CLRN1: variants seen among roughly 807,000 people sequenced by gnomAD.
The protein encoded by CLRN1 is clarin 1.
A neutral mutation model predicts 18.7 loss-of-function variants in CLRN1; 15 were observed. That is an observed-to-expected ratio of 0.80 (90% confidence interval 0.54 to 1.23). The LOEUF (loss-of-function observed/expected upper bound fraction) is 1.23, where lower values mean the gene tolerates loss of function less well. Among genes scored for constraint, CLRN1 ranks in the 50% most tolerant of loss-of-function variants. CLRN1 has a pLI of 0.00. For synonymous variants in CLRN1, 104 were observed against 102.9 expected, an observed-to-expected ratio of 1.01 and a Z score of -0.07; for missense variants, 311 against 277.5, an observed-to-expected ratio of 1.12 and a Z score of -0.86.
intron 2 of CLRN1, among the ~76,000 whole-genome samples, chr3:150,930,506 G>T (rs1378175506): frequency 3.3e-5 from 5 of 152,112 alleles, no homozygotes; most frequent in Admixed American, 3.3e-4. Flanking sequence ...CATCCTCAGA[G>T]TGGTAGCTGA....
At chr3:150,964,270 A>G (rs910276048) in intron 1 of CLRN1, among the ~76,000 whole-genome samples, 2 of 152,250 alleles carry the variant, frequency 1.3e-5, no homozygotes, top group East Asian at 1.9e-4. Context: ...ACTTCTCAAA[A>G]GAAGACATTT....
intron 2 of CLRN1, among the ~76,000 whole-genome samples, chr3:150,938,818 G>A (rs1221460367): frequency 1.3e-5 from 2 of 152,174 alleles, no homozygotes; most frequent in Admixed American, 1.3e-4. Context: ...ATAGAATGCA[G>A]GCACAGGTCC....
chr3:150,944,995 A>G (rs1486649946), intron 1 of CLRN1, among the ~76,000 whole-genome samples: 1 of 152,134 alleles, frequency 6.6e-6, no homozygotes, highest in African/African-American at 2.4e-5. Context: ...TGGGGTGTTA[A>G]AGAGGACTGG....
At chr3:150,946,449 G>A (rs1714175034) in intron 1 of CLRN1, among the ~76,000 whole-genome samples, 1 of 151,850 alleles carries the variant, frequency 6.6e-6, no homozygotes, top group Non-Finnish European at 1.5e-5. Flanking sequence ...TGGTAACATT[G>A]CTTCTGGGAA....
intron 1 of CLRN1, among the ~76,000 whole-genome samples, chr3:150,960,129 T>C (rs965021665): frequency 2.6e-5 from 4 of 152,210 alleles, no homozygotes; most frequent in Non-Finnish European, 5.9e-5. Context: ...CATGTTGGTC[T>C]CGATATCTCA....
intron 1 of CLRN1, chr3:150,943,915 G>C: frequency 6.2e-7 from 1 of 1,612,408 alleles, no homozygotes; most frequent in East Asian, 2.2e-5. Flanking sequence ...GCTCCCTCCT[G>C]CAAGAGGTTG....
chr3:150,961,799 A>G (rs1309081034), intron 1 of CLRN1, among the ~76,000 whole-genome samples: 3 of 152,186 alleles, frequency 2.0e-5, no homozygotes, highest in Non-Finnish European at 4.4e-5. Flanking sequence ...ATGAAAATCC[A>G]GTAAAAGACA....
At chr3:150,963,628 C>T (rs984748564) in intron 1 of CLRN1, among the ~76,000 whole-genome samples, 1 of 152,232 alleles carries the variant, frequency 6.6e-6, no homozygotes, top group East Asian at 1.9e-4. Flanking sequence ...GCAAAAAGAA[C>T]AAAACTGGAG....
intron 1 of CLRN1, among the ~76,000 whole-genome samples, chr3:150,966,689 A>C (rs1350540199): frequency 6.6e-6 from 1 of 152,230 alleles, no homozygotes; most frequent in Non-Finnish European, 1.5e-5. Flanking sequence ...TGGGAGAGAA[A>C]AGAAACATCC....
At chr3:150,962,828 A>G (rs1471648505) in intron 1 of CLRN1, among the ~76,000 whole-genome samples, 3 of 152,224 alleles carry the variant, frequency 2.0e-5, no homozygotes, top group Non-Finnish European at 4.4e-5. Flanking sequence ...GACTTCCTCA[A>G]CCAATATTAT....
At position 150,926,627 on chromosome 3, in the gene CLRN1, C is replaced by A. The variant is rs749877524; in HGVS notation, c.*1309G>T. On this transcript the variant is annotated 3_prime_UTR_variant, in exon 3 of 3. Transcript: ENST00000327047. ...GGCGAATAGCGAATTGACACCAGAG[C>A]AAGTTATTTCTCAGGTATACGGTTG... 1.3e-6 allele frequency: 1 copy of A among 746,560 alleles called. No individual in the cohort carries two copies. Among genetic ancestry groups the A allele is most frequent in the South Asian group, 1.5e-5 (1 of 67,260 alleles). The allele number at this position is 746,560 out of a possible 1,614,324, so 46.2% of individuals were successfully genotyped here. A position where few individuals can be genotyped will look rare whatever the true frequency, so the allele number is the denominator to read the frequency against.
chr3:150,929,096 T>C lies in CLRN1; in HGVS notation c.434-895A>G, dbSNP rs78961300. Among the ~76,000 whole-genome samples the C allele has an allele frequency of 3.9e-3, 600 of 152,372 alleles. 6 individuals are homozygous for C. The highest frequency in any genetic ancestry group is 0.014 in the African/African-American group (580 of 41,596). On this transcript the variant is annotated intron_variant, in intron 2 of 2. Transcript: ENST00000327047. ...TGGACCAGCCCTGGACTTCAACCTCTAGATTTTTATGTGTGAGAAAAATAA... is the reference window on the plus strand; with the variant it reads ...TGGACCAGCCCTGGACTTCAACCTCCAGATTTTTATGTGTGAGAAAAATAA...
chr3:150,949,310 C>T lies in CLRN1; in HGVS notation c.254-7549G>A, dbSNP rs1480362957. On this transcript the variant is annotated intron_variant, in intron 1 of 2. Transcript: ENST00000327047. ...TGAAAACTGGCACAAGACAAGAATG[C>T]CCTCTCTCACCACGCCTATTCAACA... Among the ~76,000 whole-genome samples, 3 of 152,142 alleles carry T rather than the reference C, an allele frequency of 2.0e-5. No individual in the cohort carries two copies. The East Asian group carries it at 5.8e-4, about 29-fold the overall frequency.
chr3:150,962,236 C>T (rs1397857433), intron 1 of CLRN1, among the ~76,000 whole-genome samples: 1 of 152,010 alleles, frequency 6.6e-6, no homozygotes, highest in Non-Finnish European at 1.5e-5. Flanking sequence ...GAAATATGAA[C>T]CCTGCATAAA....
At chr3:150,958,001 T>A (rs564063738) in intron 1 of CLRN1, among the ~76,000 whole-genome samples, 12 of 152,148 alleles carry the variant, frequency 7.9e-5, no homozygotes, top group Non-Finnish European at 1.6e-4. Flanking sequence ...CTGGGAAATC[T>A]CATCTTCAGT....
intron 2 of CLRN1, among the ~76,000 whole-genome samples, chr3:150,936,765 TC>T (rs1713514338): frequency 6.6e-6 from 1 of 152,128 alleles, no homozygotes; most frequent in African/African-American, 2.4e-5. Context: ...TATCAACTGA[TC>T]TCTCTAACCT....
intron 2 of CLRN1, among the ~76,000 whole-genome samples, chr3:150,929,491 G>A (rs529376933): frequency 3.4e-4 from 51 of 152,140 alleles, no homozygotes; most frequent in South Asian, 6.2e-4. Context: ...AACCAATTTG[G>A]GTTCAAACCC....
At chr3:150,952,066 C>A (rs1258549994) in intron 1 of CLRN1, among the ~76,000 whole-genome samples, 1 of 152,150 alleles carries the variant, frequency 6.6e-6, no homozygotes, top group African/African-American at 2.4e-5. Context: ...AGATGCTGAC[C>A]TCCTGTTGTC....
chr3:150,949,825 A>G (rs562798945), intron 1 of CLRN1, among the ~76,000 whole-genome samples: 3 of 152,308 alleles, frequency 2.0e-5, no homozygotes, highest in Non-Finnish European at 4.4e-5. Context: ...TAAACTTCAT[A>G]TGGTACCAAA....
Sources: allele counts gnomAD v4.1 joint callset (sites outside exome capture counted in the v4.1 genomes callset), GRCh38; gene constraint gnomAD v4.1.1; transcripts MANE v1.5; gene names NCBI Gene and HGNC (gene_info 2026-07-23, HGNC 2026-07-21).